PCM1: variants seen among roughly 807,000 people sequenced by gnomAD.
PCM1 encodes the protein pericentriolar material 1 protein.
PCM1 carries 157 observed loss-of-function variants against 241.9 expected under a neutral mutation model. The observed-to-expected ratio is 0.65, with a 90% CI of 0.57 to 0.74. The LOEUF (loss-of-function observed/expected upper bound fraction) is 0.74. Ranked by LOEUF, PCM1 falls within the 30% of genes least tolerant of loss-of-function variation. The pLI is 0.00. For missense variants in PCM1, 3,478 were observed against 2,360.1 expected (o/e 1.47, Z -9.81); for synonymous variants, 1,085 against 784.9 (o/e 1.38, Z -6.39).
At position 17,956,783 on chromosome 8, in the gene PCM1, A is replaced by G. The variant is rs777303324; in HGVS notation, c.1646+6A>G. ...GAGCCTGTTACTAACATTCGGTAAG[A>G]ACTTTTCTGGGGATGTTTTTCCAGC... On this transcript the variant is annotated splice_donor_region_variant and intron_variant, in intron 11 of 38. Transcript: ENST00000325083. The G allele has an allele frequency of 1.9e-6, 3 of 1,600,754 alleles. No homozygotes were observed. The highest frequency in any genetic ancestry group is 2.7e-5 in the African/African-American group (2 of 74,706).
In PCM1 at chr8:17,957,583, A is replaced by G. The variant is rs560969734; in HGVS notation, c.1848A>G (p.Ala616=). 18 of 1,572,766 alleles carry G rather than the reference A, an allele frequency of 1.1e-5. No individual in the cohort carries two copies. The East Asian group carries it at 1.9e-4, about 16-fold the overall frequency. ...NREGEQEIHV[A]QGEDDEEEEE... Reference sequence around the variant, plus strand: ...AAGGGGAACAGGAGATTCATGTTGCACAAGGTGAAGATGATGAGGAGGAGG... The same window carrying G: ...AAGGGGAACAGGAGATTCATGTTGCGCAAGGTGAAGATGATGAGGAGGAGG... Residue 616 remains alanine (A), a synonymous_variant, in exon 13 of 39, where the codon GCA becomes GCG. Transcript: ENST00000325083.
At position 17,950,624 on chromosome 8, in the gene PCM1, A is replaced by G. The variant is rs1563828697; in HGVS notation, c.971A>G (p.Glu324Gly). ...IAVMDDSVVAETAGSLSGVSI... is the reference protein window; with the variant it reads ...IAVMDDSVVAGTAGSLSGVSI... ...ACTAATTTCTTTCCAGTTGTTGCAG[A>G]AACTGCAGGTAGCTTATCTGGCGTC... The change falls in exon 8 of 39, where the codon GAA (glutamate) becomes GGA (glycine). Residue 324 changes from glutamate to glycine, a missense_variant. By Grantham distance (98) the Glu-to-Gly change is moderately conservative. Transcript: ENST00000325083. 6.3e-7 allele frequency: 1 copy of G among 1,582,608 alleles called. No homozygotes were observed. The highest frequency in any genetic ancestry group is 2.2e-5 in the East Asian group (1 of 44,566).
At chr8:17,991,752 AC>A in intron 28 of PCM1, 52 bp downstream of exon 28, 1 of 1,353,938 alleles carries the variant, frequency 7.4e-7, no homozygotes, top group East Asian at 2.5e-5. Flanking sequence ...GTGTTTGGTT[AC>A]ATGAATAAGT....
Position 18,014,746 on chromosome 8 carries a change from C to T in PCM1, c.5747C>T (p.Pro1916Leu). The T allele has an allele frequency of 6.2e-7, 1 of 1,613,104 alleles. No homozygotes were observed. Among genetic ancestry groups the T allele is most frequent in the Non-Finnish European group, 8.5e-7 (1 of 1,179,756 alleles). ...TTACCTGAAATGGAACCCTTAGTGC[C>T]TAGAGTCAAAGAAGTTAAATCTGCT... ...LRLPEMEPLV[P>L]RVKEVKSAQE... is the part of the protein sequence containing the mutation. The change falls in exon 36 of 39, where the codon CCT (proline) becomes CTT (leucine). Residue 1916 changes from proline to leucine, a missense_variant. Physicochemically the swap from Pro to Leu is moderately conservative, Grantham distance 98. Transcript: ENST00000325083.
At chr8:17,964,512 C>CA (rs1034265928) in intron 17 of PCM1, 56 bp from the exon 18 acceptor site, 2 of 1,312,274 alleles carry the variant, frequency 1.5e-6, no homozygotes, top group African/African-American at 2.9e-5. Context: ...TAGTAGGTGG[C>CA]AGAGTATTTA....
At chr8:17,959,496 G>C (rs1427550600) in intron 13 of PCM1, among the ~76,000 whole-genome samples, 1 of 152,022 alleles carries the variant, frequency 6.6e-6, no homozygotes, top group Non-Finnish European at 1.5e-5. Context: ...TTGTGCATTT[G>C]TGTTTTTTAA....
intron 36 of PCM1, chr8:18,025,039 G>A (rs79030654): frequency 1.2e-3 from 253 of 209,748 alleles, no homozygotes; most frequent in African/African-American, 5.4e-3. Flanking sequence ...TACAGCTCTC[G>A]TGTTCAGTAA....
At chr8:18,025,796 T>TAAGA (rs2094148728) in intron 38 of PCM1, 138 bp downstream of exon 38, 1 of 575,018 alleles carries the variant, frequency 1.7e-6, no homozygotes, top group East Asian at 3.1e-5. Flanking sequence ...TGTAATTCTG[T>TAAGA]AAGAATTTTA....
intron 24 of PCM1, among the ~76,000 whole-genome samples, chr8:17,981,964 A>T (rs923673293): frequency 6.6e-6 from 1 of 152,178 alleles, no homozygotes; most frequent in African/African-American, 2.4e-5. Context: ...TCAACTATGT[A>T]TAAACAAAAA....
chr8:18,001,859 T>C (rs1402247118), intron 29 of PCM1, among the ~76,000 whole-genome samples: 5 of 152,078 alleles, frequency 3.3e-5, no homozygotes, highest in Admixed American at 2.6e-4. Flanking sequence ...TATCTGACTT[T>C]ACAGCTGAGA....
intron 2 of PCM1, among the ~76,000 whole-genome samples, chr8:17,934,212 T>C (rs945881551): frequency 6.6e-6 from 1 of 152,076 alleles, no homozygotes; most frequent in Non-Finnish European, 1.5e-5. Context: ...AGTTAGGGTC[T>C]TAGAATTAAA....
At position 18,027,952 on chromosome 8, in the gene PCM1, A is replaced by C. The variant is rs914978612; in HGVS notation, c.*290A>C. 2 of 330,034 alleles carry C rather than the reference A, an allele frequency of 6.1e-6. No individual in the cohort carries two copies. Among genetic ancestry groups the C allele is most frequent in the Non-Finnish European group, 1.1e-5 (2 of 182,888 alleles). The allele number at this position is 330,034 out of a possible 1,614,324, so 20.4% of individuals were successfully genotyped here. A position where few individuals can be genotyped will look rare whatever the true frequency, so the allele number is the denominator to read the frequency against. The stretch of plus-strand genomic sequence containing the variant: ...CGAATTTAAAATGTAGTTTTAAATA[A>C]AGTTTGGACTTATCTATAAAGTATC... On this transcript the variant is annotated 3_prime_UTR_variant, in exon 39 of 39. Transcript: ENST00000325083.
chr8:18,001,995 CTTTTTTTTTTTTTTTTTTTTTTTTTTTT>C (rs1166401113), intron 29 of PCM1, among the ~76,000 whole-genome samples: 1 of 23,398 alleles, frequency 4.3e-5, no homozygotes, highest in Non-Finnish European at 6.5e-5. Flanking sequence ...TCTAACCTTT[CTTTTTTTTTTTTTTTTTTTTTTTTTTTT>C]TTTTTTTTTT....
At chr8:18,004,182 CTG>C (rs922453799) in intron 29 of PCM1, among the ~76,000 whole-genome samples, 7 of 152,110 alleles carry the variant, frequency 4.6e-5, no homozygotes, top group African/African-American at 1.4e-4. Flanking sequence ...TGCTCAGAAA[CTG>C]TTATACAATA....
intron 2 of PCM1, among the ~76,000 whole-genome samples, chr8:17,934,306 G>C (rs1484041788): frequency 6.7e-6 from 1 of 150,214 alleles, no homozygotes; most frequent in East Asian, 1.9e-4. Context: ...TAGTCACCCA[G>C]GCTGGAGTGC....
chr8:17,975,146 G>A (rs2078287815), intron 23 of PCM1, among the ~76,000 whole-genome samples: 1 of 152,138 alleles, frequency 6.6e-6, no homozygotes, highest in Admixed American at 6.5e-5. Flanking sequence ...AGTCTGAAAA[G>A]TACTGAACTA....
At chr8:17,943,881 C>T (rs898876526) in intron 6 of PCM1, among the ~76,000 whole-genome samples, 2 of 152,144 alleles carry the variant, frequency 1.3e-5, no homozygotes, top group East Asian at 3.9e-4. Context: ...GTCTTACATG[C>T]GATTCAAGGT....
At chr8:17,923,439 C>T (rs182127260) in intron 1 of PCM1, among the ~76,000 whole-genome samples, 189 of 152,160 alleles carry the variant, frequency 1.2e-3, no homozygotes, top group Non-Finnish European at 2.2e-3. Context: ...GGACTCCCTT[C>T]TTGCCTCCTC....
chr8:18,006,150 A>G (rs2091258790), intron 29 of PCM1, 113 bp from the exon 30 acceptor site: 1 of 773,512 alleles, frequency 1.3e-6, no homozygotes, highest in Non-Finnish European at 2.0e-6. Context: ...CTGAAAATTG[A>G]GGAGCATCTA....
Sources: allele counts gnomAD v4.1 joint callset (sites outside exome capture counted in the v4.1 genomes callset), GRCh38; gene constraint gnomAD v4.1.1; transcripts MANE v1.5; gene names NCBI Gene and HGNC (gene_info 2026-07-23, HGNC 2026-07-21).